Variants in TAFA1 observed in about 807,000 individuals in gnomAD.
TAFA1 encodes TAFA chemokine like family member 1, also known as chemokine-like protein TAFA-1.
In TAFA1, 4 loss-of-function variants were observed where a neutral mutation model predicts 18.5. That is an observed-to-expected ratio of 0.22 (90% CI 0.11 to 0.49). The LOEUF (loss-of-function observed/expected upper bound fraction) is 0.49. Ranked by LOEUF, TAFA1 falls within the 20% of genes least tolerant of loss-of-function variation. TAFA1 has a pLI of 0.98. For missense variants in TAFA1, 147 were observed against 169.0 expected, an observed-to-expected ratio of 0.87 and a Z score of 0.72; for synonymous variants, 56 against 55.2, an observed-to-expected ratio of 1.01 and a Z score of -0.06.
chr3:68,292,773 C>T (rs1445234214), intron 2 of TAFA1, among the ~76,000 whole-genome samples: 1 of 152,150 alleles, frequency 6.6e-6, no homozygotes, highest in Admixed American at 6.5e-5. Flanking sequence ...GAAATTCTGG[C>T]TTCCAAGGAT....
At chr3:68,258,160 A>T (rs1159790774) in intron 2 of TAFA1, among the ~76,000 whole-genome samples, 1 of 152,198 alleles carries the variant, frequency 6.6e-6, no homozygotes, top group Non-Finnish European at 1.5e-5. Flanking sequence ...TTAATTTCTT[A>T]GTTTTGACAA....
At chr3:68,232,714 T>C (rs1288372335) in intron 2 of TAFA1, among the ~76,000 whole-genome samples, 1 of 152,110 alleles carries the variant, frequency 6.6e-6, no homozygotes, top group African/African-American at 2.4e-5. Flanking sequence ...CAAGTGATCC[T>C]CCCACCTTAG....
At chr3:68,091,893 T>A (rs887728059) in intron 2 of TAFA1, among the ~76,000 whole-genome samples, 5 of 152,170 alleles carry the variant, frequency 3.3e-5, no homozygotes, top group Non-Finnish European at 7.4e-5. Context: ...GTATCTCCTA[T>A]AACAGTTTGA....
At chr3:68,210,379 A>G (rs546604573) in intron 2 of TAFA1, among the ~76,000 whole-genome samples, 2 of 152,074 alleles carry the variant, frequency 1.3e-5, no homozygotes, top group African/African-American at 4.8e-5. Flanking sequence ...GAATACACAT[A>G]AGCTCTTGTG....
chr3:68,260,328 A>G (rs13067051), intron 2 of TAFA1, among the ~76,000 whole-genome samples: 12,733 of 151,816 alleles, frequency 0.084, 667 homozygotes, highest in Middle Eastern at 0.12. Flanking sequence ...TGTGCTGCTG[A>G]ATTTGGTTTG....
upstream of TAFA1, among the ~76,000 whole-genome samples, chr3:67,999,287 C>CTCTCTGTG (rs1297823499): frequency 6.1e-5 from 9 of 147,768 alleles, no homozygotes; most frequent in African/African-American, 1.8e-4. Flanking sequence ...CCCCCTCTCT[C>CTCTCTGTG]TGTGTGTGTG....
chr3:68,504,922 A>T (rs1265523449), intron 3 of TAFA1, among the ~76,000 whole-genome samples: 1 of 152,172 alleles, frequency 6.6e-6, no homozygotes, highest in African/African-American at 2.4e-5. Flanking sequence ...CTACTCAGAA[A>T]CAAGTTTATA....
chr3:68,106,188 A>T (rs999828435), intron 2 of TAFA1, among the ~76,000 whole-genome samples: 1 of 152,236 alleles, frequency 6.6e-6, no homozygotes, highest in African/African-American at 2.4e-5. Flanking sequence ...CGAAACCACA[A>T]ACAAATACTC....
At chr3:68,307,996 A>G (rs1441288986) in intron 2 of TAFA1, among the ~76,000 whole-genome samples, 1 of 152,142 alleles carries the variant, frequency 6.6e-6, no homozygotes, top group Non-Finnish European at 1.5e-5. Context: ...CATTTTTACT[A>G]TTGCCAAGTG....
intron 2 of TAFA1, among the ~76,000 whole-genome samples, chr3:68,193,075 A>G (rs2066367605): frequency 6.6e-6 from 1 of 151,756 alleles, no homozygotes; most frequent in Admixed American, 6.6e-5. Context: ...AGACGATGAA[A>G]AAAATCACTG....
In TAFA1 at chr3:68,303,983, A is replaced by G. The variant is rs372535311; in HGVS notation, c.119-113297A>G. Among the ~76,000 whole-genome samples the G allele has an allele frequency of 5.3e-5, 8 of 152,340 alleles. No homozygotes were observed. The South Asian group carries it at 6.2e-4, about 12-fold the overall frequency. On this transcript the variant is annotated intron_variant, in intron 2 of 4. Transcript: ENST00000478136. ...ACCCACCATACAGTGCTTGCTTAACAAAAGTAGACATTACATTAGTGGAAA... is the reference window on the plus strand; with the variant it reads ...ACCCACCATACAGTGCTTGCTTAACGAAAGTAGACATTACATTAGTGGAAA...
chr3:68,325,210 A>C (rs2068757063), intron 2 of TAFA1, among the ~76,000 whole-genome samples: 1 of 152,226 alleles, frequency 6.6e-6, no homozygotes, highest in Admixed American at 6.5e-5. Flanking sequence ...AGAAATATTT[A>C]ACAGCACCAA....
At chr3:68,269,072 G>A (rs2067607167) in intron 2 of TAFA1, among the ~76,000 whole-genome samples, 2 of 151,824 alleles carry the variant, frequency 1.3e-5, no homozygotes, top group Admixed American at 6.6e-5. Flanking sequence ...GATGCTGCCT[G>A]TCCAAAGAAC....
chr3:68,147,134 A>G (rs2065751748), intron 2 of TAFA1, among the ~76,000 whole-genome samples: 1 of 151,770 alleles, frequency 6.6e-6, no homozygotes, highest in Non-Finnish European at 1.5e-5. Context: ...CCTGTCCTAG[A>G]GCTAATTGGT....
intron 2 of TAFA1, among the ~76,000 whole-genome samples, chr3:68,234,078 C>T (rs1343563466): frequency 1.3e-5 from 2 of 152,194 alleles, no homozygotes. Context: ...CTCCACAAAA[C>T]ATAACGAGAT....
intron 2 of TAFA1, among the ~76,000 whole-genome samples, chr3:68,185,150 G>A (rs1014410619): frequency 4.0e-5 from 6 of 151,384 alleles, no homozygotes; most frequent in East Asian, 1.9e-4. Context: ...GAACCAGTCC[G>A]CATGGGAGAC....
intron 2 of TAFA1, among the ~76,000 whole-genome samples, chr3:68,166,067 T>C (rs557048033): frequency 1.4e-4 from 22 of 151,830 alleles, no homozygotes; most frequent in African/African-American, 3.1e-4. Flanking sequence ...AGATAGAAGA[T>C]AGAAAATTCT....
chr3:68,506,456 A>AACAC (rs55865833), intron 3 of TAFA1, among the ~76,000 whole-genome samples: 1 of 147,444 alleles, frequency 6.8e-6, no homozygotes, highest in Non-Finnish European at 1.5e-5. Context: ...GGGTGTGTTC[A>AACAC]ACACACACAC....
intron 2 of TAFA1, among the ~76,000 whole-genome samples, chr3:68,104,332 A>G (rs2065181394): frequency 6.6e-6 from 1 of 152,128 alleles, no homozygotes; most frequent in Admixed American, 6.6e-5. Context: ...TTTCAAGTGT[A>G]TGATAAAATA....
Sources: allele counts gnomAD v4.1 joint callset (sites outside exome capture counted in the v4.1 genomes callset), GRCh38; gene constraint gnomAD v4.1.1; transcripts MANE v1.5; gene names NCBI Gene and HGNC (gene_info 2026-07-23, HGNC 2026-07-21).